The following PCSK5 variants were observed in gnomAD, a reference collection of about 807,000 sequenced individuals.
The protein encoded by PCSK5 is prohormone convertase 5.
In PCSK5, 129 loss-of-function variants were observed where a neutral mutation model predicts 233.2. That is an observed-to-expected ratio of 0.55 (90% CI 0.48 to 0.64). The LOEUF is 0.64. PCSK5 is among the 30% of genes least tolerant of loss of function. PCSK5 has a pLI of 0.00. For missense variants in PCSK5, 2,076 were observed against 2,430.1 expected, an observed-to-expected ratio of 0.85 and a Z score of 3.06; for synonymous variants, 825 against 879.2, an observed-to-expected ratio of 0.94 and a Z score of 1.09.
intron 30 of PCSK5, among the ~76,000 whole-genome samples, chr9:76,315,142 T>C (rs1298893858): frequency 2.0e-5 from 3 of 151,848 alleles, no homozygotes; most frequent in Non-Finnish European, 4.4e-5. Context: ...TTAGTAGAGA[T>C]GGGGTTTCAC....
At chr9:76,033,495 A>G (rs573021558) in intron 5 of PCSK5, among the ~76,000 whole-genome samples, 14 of 152,274 alleles carry the variant, frequency 9.2e-5, no homozygotes, top group Admixed American at 3.9e-4. Context: ...TACTTGATCA[A>G]TGATTATCAA....
chr9:76,003,670 A>G (rs1212492704), intron 3 of PCSK5, among the ~76,000 whole-genome samples: 1 of 152,166 alleles, frequency 6.6e-6, no homozygotes, highest in East Asian at 1.9e-4. Context: ...TACCACCCTC[A>G]CTTCTAAGAA....
intron 5 of PCSK5, among the ~76,000 whole-genome samples, chr9:76,054,319 C>T (rs62558825): frequency 2.6e-5 from 4 of 152,150 alleles, no homozygotes; most frequent in Non-Finnish European, 5.9e-5. Context: ...AGAAGACAAC[C>T]AAAGTGAGGT....
Position 76,322,110 on chromosome 9 carries a change from G to A in PCSK5, c.4102+471G>A, listed in dbSNP as rs375974794. On this transcript the variant is annotated intron_variant, in intron 31 of 37. Transcript: ENST00000674117. ...GATTACAGGCACGCTCCACCACGCC[G>A]GGCTAATTTTAACATTTTTAGTAGA... Among the ~76,000 whole-genome samples the A allele has an allele frequency of 1.1e-4, 17 of 151,926 alleles. No individual in the cohort carries two copies. In the East Asian group the frequency reaches 1.7e-3, roughly 16 times the overall value.
At chr9:75,920,920 T>A (rs1046663895) in intron 1 of PCSK5, among the ~76,000 whole-genome samples, 11 of 152,182 alleles carry the variant, frequency 7.2e-5, no homozygotes, top group Non-Finnish European at 1.3e-4. Context: ...GATTATACCA[T>A]ACACATTCAA....
chr9:76,052,872 A>C (rs1829681980), intron 5 of PCSK5, among the ~76,000 whole-genome samples: 1 of 152,186 alleles, frequency 6.6e-6, no homozygotes, highest in Admixed American at 6.5e-5. Flanking sequence ...GGGTAAATAC[A>C]TCCATTTCAA....
chr9:76,189,225 T>TAA lies in PCSK5; in HGVS notation c.2510+3_2510+4dup. 6.2e-7 allele frequency: 1 copy of TAA among 1,612,168 alleles called. No homozygotes were observed. The highest frequency in any genetic ancestry group is 8.5e-7 in the Non-Finnish European group (1 of 1,179,560). ...GAATGGATACAAATCCTGCAAAAAG[T>TAA]AAGTGGATCTGCCCCCTGGGCCCTA... On this transcript the variant is annotated splice_region_variant and intron_variant, in intron 19 of 37. Coordinates refer to ENST00000674117, the MANE Select transcript of PCSK5 (RefSeq NM_001372043.1).
intron 9 of PCSK5, among the ~76,000 whole-genome samples, chr9:76,132,339 G>C (rs887107624): frequency 1.3e-5 from 2 of 152,000 alleles, no homozygotes; most frequent in Non-Finnish European, 2.9e-5. Flanking sequence ...TTCTATAATT[G>C]ATTCCTAACA....
chr9:76,108,668 G>A (rs113206344), intron 9 of PCSK5, among the ~76,000 whole-genome samples: 1,528 of 152,244 alleles, frequency 0.01, 25 homozygotes, highest in African/African-American at 0.033. Flanking sequence ...CAGGGAAATC[G>A]CTTGCACCCA....
At chr9:75,897,729 G>A (rs1421174699) in intron 1 of PCSK5, among the ~76,000 whole-genome samples, 1 of 151,998 alleles carries the variant, frequency 6.6e-6, no homozygotes, top group African/African-American at 2.4e-5. Flanking sequence ...CTGATCTCAA[G>A]TGATCCACCT....
rs1351020822 is a variant in PCSK5, at chr9:76,359,006, G to C, written c.*84G>C. 1 of 1,099,386 alleles carries C rather than the reference G, an allele frequency of 9.1e-7. No homozygotes were observed. The highest frequency in any genetic ancestry group is 1.3e-6 in the Non-Finnish European group (1 of 753,208). The allele number at this position is 1,099,386 out of a possible 1,614,324, so 68.1% of individuals were successfully genotyped here. On this transcript the variant is annotated 3_prime_UTR_variant, in exon 38 of 38. Transcript: ENST00000674117. ...TGTTTTTGGTTTTATCCCCACACCAGGCTGATGTGTGAGTTTTTCTATTTG... is the reference window on the plus strand; with the variant it reads ...TGTTTTTGGTTTTATCCCCACACCACGCTGATGTGTGAGTTTTTCTATTTG...
intron 3 of PCSK5, among the ~76,000 whole-genome samples, chr9:76,019,660 G>C (rs1037348747): frequency 2.0e-5 from 3 of 152,100 alleles, no homozygotes; most frequent in Non-Finnish European, 2.9e-5. Flanking sequence ...GGTATAAACT[G>C]TCTTTCATTG....
At chr9:76,246,428 C>A (rs1826600007) in intron 24 of PCSK5, among the ~76,000 whole-genome samples, 1 of 149,238 alleles carries the variant, frequency 6.7e-6, no homozygotes, top group Non-Finnish European at 1.5e-5. Flanking sequence ...CTTACAAGTT[C>A]TATAGGCAAG....
At chr9:76,311,991 A>C (rs1182452105) in intron 30 of PCSK5, among the ~76,000 whole-genome samples, 1 of 152,196 alleles carries the variant, frequency 6.6e-6, no homozygotes, top group African/African-American at 2.4e-5. Flanking sequence ...AGAATGCATC[A>C]CTGATACCTC....
intron 20 of PCSK5, among the ~76,000 whole-genome samples, chr9:76,210,341 A>G (rs1270563091): frequency 1.3e-5 from 2 of 152,196 alleles, no homozygotes; most frequent in African/African-American, 4.8e-5. Context: ...TGTGCTTTTC[A>G]TATACTAAAT....
At chr9:76,132,771 A>C (rs955608062) in intron 9 of PCSK5, among the ~76,000 whole-genome samples, 1 of 152,082 alleles carries the variant, frequency 6.6e-6, no homozygotes, top group African/African-American at 2.4e-5. Flanking sequence ...ACTAGCATCC[A>C]TGTTCTAAGT....
intron 8 of PCSK5, among the ~76,000 whole-genome samples, chr9:76,098,609 A>G (rs1831632116): frequency 6.6e-6 from 1 of 152,222 alleles, no homozygotes; most frequent in Non-Finnish European, 1.5e-5. Context: ...AGTCAAACTC[A>G]CTATTGCTTC....
intron 34 of PCSK5, 100 bp from the exon 35 acceptor site, chr9:76,338,130 C>T (rs1829729613): frequency 2.6e-6 from 2 of 768,770 alleles, no homozygotes; most frequent in Non-Finnish European, 4.4e-6. Flanking sequence ...AGGCTAAAGT[C>T]ACTCAGCTTG....
intron 5 of PCSK5, among the ~76,000 whole-genome samples, chr9:76,043,484 ATTC>A (rs920803832): frequency 3.9e-5 from 6 of 152,102 alleles, no homozygotes; most frequent in African/African-American, 1.2e-4. Flanking sequence ...ACACTGACTA[ATTC>A]TTATTCTTAG....
Sources: gnomAD v4.1 joint callset for allele counts (sites outside exome capture counted in the v4.1 genomes callset) on GRCh38, gnomAD v4.1.1 for gene constraint, MANE v1.5 for transcripts, NCBI Gene and HGNC (gene_info 2026-07-23, HGNC 2026-07-21) for gene names.